The following LRP1B variants were observed in gnomAD, a reference collection of about 807,000 sequenced individuals.
The protein encoded by LRP1B is LDL receptor related protein 1B.
LRP1B carries 217 observed loss-of-function variants against 556.6 expected under a neutral mutation model. The ratio of observed to expected loss-of-function variants is 0.39; its 90% CI spans 0.35 to 0.44. The LOEUF (loss-of-function observed/expected upper bound fraction) is 0.44. Among genes scored for constraint, LRP1B ranks in the 20% least tolerant of loss-of-function variants. The pLI is 1.00. For missense variants in LRP1B, 5,053 were observed against 5,620.8 expected, an observed-to-expected ratio of 0.90 and a Z score of 3.23; for synonymous variants, 2,047 against 1,865.8, an observed-to-expected ratio of 1.10 and a Z score of -2.50.
rs571780952 is a variant in LRP1B, at chr2:140,647,547, G to A, written c.6800-45908C>T. On this transcript the variant is annotated intron_variant, in intron 41 of 90. Transcript: ENST00000389484. ...AGCAGGCATGAAACAGGGCTATCCTGGGCACCTGGGGAATATGGGCATTCA... is the reference window on the plus strand; with the variant it reads ...AGCAGGCATGAAACAGGGCTATCCTAGGCACCTGGGGAATATGGGCATTCA... Among the ~76,000 whole-genome samples the A allele has an allele frequency of 2.0e-5, 3 of 152,244 alleles. No individual in the cohort carries two copies. In the East Asian group the frequency reaches 5.8e-4, roughly 29 times the overall value.
chr2:140,576,025 G>T (rs571468547), intron 43 of LRP1B, among the ~76,000 whole-genome samples: 4 of 152,198 alleles, frequency 2.6e-5, no homozygotes, highest in African/African-American at 9.6e-5. Context: ...GCTTGATCTT[G>T]GTACTCTTGA....
At chr2:141,523,284 G>T (rs893239347) in intron 2 of LRP1B, among the ~76,000 whole-genome samples, 2 of 152,020 alleles carry the variant, frequency 1.3e-5, no homozygotes, top group Non-Finnish European at 2.9e-5. Flanking sequence ...ATTGAGTCTT[G>T]AGTTTTTGAA....
Position 140,701,772 on chromosome 2 carries a change from G to A in LRP1B, c.6376C>T (p.Leu2126Phe), listed in dbSNP as rs1686651109. 1 of 1,613,064 alleles carries A rather than the reference G, an allele frequency of 6.2e-7. No individual in the cohort carries two copies. ...ATETITMRTG[L>F]GVNLKEVKIF... The stretch of plus-strand genomic sequence containing the variant: ...TTAACCTCCTTCAGGTTGACTCCAA[G>A]GCCGGTTCTCATGGTTATCGTTTCT... Residue 2126 changes from leucine (L) to phenylalanine (F), a missense_variant, in exon 40 of 91, where the codon CTT becomes TTT. Leu to Phe is a conservative substitution (Grantham distance 22). Transcript: ENST00000389484.
At chr2:140,459,633 G>A (rs145137669) in intron 60 of LRP1B, among the ~76,000 whole-genome samples, 79 of 152,234 alleles carry the variant, frequency 5.2e-4, no homozygotes, top group Non-Finnish European at 7.1e-4. Context: ...CTAGGCCAGC[G>A]GGAGAGGCAA....
intron 85 of LRP1B, among the ~76,000 whole-genome samples, chr2:140,272,045 C>T (rs1450052949): frequency 6.6e-6 from 1 of 151,798 alleles, no homozygotes; most frequent in Non-Finnish European, 1.5e-5. Flanking sequence ...TGCTTTTAAA[C>T]CTGTGTTTCC....
chr2:141,734,632 A>G (rs1508601), intron 2 of LRP1B, among the ~76,000 whole-genome samples: 149,731 of 152,236 alleles, frequency 0.98, 73,691 homozygotes, highest in East Asian at 1. Context: ...GCGCATTTGT[A>G]TGTAAGTTTC....
At chr2:141,662,966 A>AT (rs1213008178) in intron 2 of LRP1B, among the ~76,000 whole-genome samples, 49 of 152,104 alleles carry the variant, frequency 3.2e-4, no homozygotes, top group South Asian at 6.2e-4. Flanking sequence ...AAATAAATAA[A>AT]AAAAAAGAAA....
chr2:140,813,167 A>G (rs1403005802), intron 32 of LRP1B, among the ~76,000 whole-genome samples: 3 of 152,158 alleles, frequency 2.0e-5, no homozygotes, highest in Admixed American at 1.3e-4. Context: ...ATAACACTCA[A>G]ATAAGTAAAA....
intron 1 of LRP1B, among the ~76,000 whole-genome samples, chr2:141,927,621 TC>T (rs1700369486): frequency 6.6e-6 from 1 of 152,046 alleles, no homozygotes; most frequent in Non-Finnish European, 1.5e-5. Flanking sequence ...ATGCTATCTT[TC>T]AATACATTTC....
intron 3 of LRP1B, among the ~76,000 whole-genome samples, chr2:141,306,369 A>G (rs918579267): frequency 6.6e-6 from 1 of 152,066 alleles, no homozygotes; most frequent in Non-Finnish European, 1.5e-5. Context: ...GTAGATTGAT[A>G]TATCCAGGAA....
intron 1 of LRP1B, among the ~76,000 whole-genome samples, chr2:141,854,146 G>A (rs76427555): frequency 0.088 from 13,385 of 151,966 alleles, 623 homozygotes; most frequent in South Asian, 0.17. Flanking sequence ...CTTTCATGAA[G>A]TAATTTCCAA....
intron 7 of LRP1B, among the ~76,000 whole-genome samples, chr2:141,099,405 G>T (rs541125825): frequency 6.6e-6 from 1 of 152,306 alleles, no homozygotes; most frequent in East Asian, 1.9e-4. Flanking sequence ...ATGACAAGAA[G>T]TGGACAGGAC....
At chr2:141,987,714 TA>T (rs1702236661) in intron 1 of LRP1B, among the ~76,000 whole-genome samples, 1 of 151,932 alleles carries the variant, frequency 6.6e-6, no homozygotes, top group Non-Finnish European at 1.5e-5. Flanking sequence ...TACAATTTTA[TA>T]AAGCTTTTCA....
chr2:141,619,576 TTC>T (rs1283597992), intron 2 of LRP1B, among the ~76,000 whole-genome samples: 2 of 152,184 alleles, frequency 1.3e-5, no homozygotes, highest in East Asian at 1.9e-4. Flanking sequence ...CTAGGAAATT[TTC>T]TCTCTTAAAA....
chr2:140,989,185 A>T (rs76358211), intron 17 of LRP1B, among the ~76,000 whole-genome samples: 3 of 152,010 alleles, frequency 2.0e-5, no homozygotes, highest in Admixed American at 6.6e-5. Context: ...TAAAAAAAAA[A>T]TCCTCCTTGT....
intron 21 of LRP1B, 135 bp downstream of exon 21, chr2:140,922,830 C>T (rs1020381448): frequency 6.3e-6 from 4 of 636,240 alleles, no homozygotes; most frequent in African/African-American, 3.7e-5. Context: ...ATGTTAACTA[C>T]TATTATTATA....
At chr2:141,113,330 G>A (rs1700800787) in intron 7 of LRP1B, among the ~76,000 whole-genome samples, 1 of 152,036 alleles carries the variant, frequency 6.6e-6, no homozygotes, top group South Asian at 2.1e-4. Context: ...CTTAAATAAA[G>A]ATCCACTAAA....
chr2:140,965,556 TTTTAA>T (rs1472821710), intron 18 of LRP1B, among the ~76,000 whole-genome samples: 2 of 51,472 alleles, frequency 3.9e-5, no homozygotes, highest in Non-Finnish European at 1.2e-4. Context: ...ATTGATTTTC[TTTTAA>T]TTTTTTTATT....
intron 27 of LRP1B, among the ~76,000 whole-genome samples, chr2:140,863,536 T>C (rs1692860989): frequency 6.6e-6 from 1 of 152,158 alleles, no homozygotes; most frequent in African/African-American, 2.4e-5. Flanking sequence ...ACTGTGTATT[T>C]CTTTGTGGGG....
Sources: allele counts gnomAD v4.1 joint callset (sites outside exome capture counted in the v4.1 genomes callset), GRCh38; gene constraint gnomAD v4.1.1; transcripts MANE v1.5; gene names NCBI Gene and HGNC (gene_info 2026-07-23, HGNC 2026-07-21).